Variants in ATG5 observed in about 807,000 individuals in gnomAD.
The protein encoded by ATG5 is autophagy protein 5.
In ATG5, 14 loss-of-function variants were observed where a neutral mutation model predicts 36.5. The ratio of observed to expected loss-of-function variants is 0.38; its 90% confidence interval spans 0.25 to 0.60. The LOEUF (loss-of-function observed/expected upper bound fraction) is 0.60, where lower values mean the gene tolerates loss of function less well. Ranked by LOEUF, ATG5 falls within the 20% of genes least tolerant of loss-of-function variation. The pLI, the probability that ATG5 is intolerant of heterozygous loss-of-function variation, is 0.60. For synonymous variants in ATG5, 95 were observed against 101.5 expected (o/e 0.94, Z 0.38); for missense variants, 195 against 326.7 (o/e 0.60, Z 3.11).
At chr6:106,267,068 T>C (rs1174530619) in intron 5 of ATG5, among the ~76,000 whole-genome samples, 1 of 152,202 alleles carries the variant, frequency 6.6e-6, no homozygotes, top group Non-Finnish European at 1.5e-5. Context: ...TGTTTGCAGA[T>C]GACATGATTG....
chr6:106,324,273 A>T (rs1017818930), intron 1 of ATG5, among the ~76,000 whole-genome samples: 1 of 152,244 alleles, frequency 6.6e-6, no homozygotes, highest in African/African-American at 2.4e-5. Context: ...ACAACTATTT[A>T]TACAGCATTT....
At chr6:106,200,277 A>G (rs1776367235) in intron 7 of ATG5, among the ~76,000 whole-genome samples, 1 of 152,202 alleles carries the variant, frequency 6.6e-6, no homozygotes, top group Non-Finnish European at 1.5e-5. Context: ...CTATTTCCTT[A>G]GATGCAAAAT....
chr6:106,189,385 G>A (rs1040224813), intron 7 of ATG5, among the ~76,000 whole-genome samples: 5 of 151,926 alleles, frequency 3.3e-5, no homozygotes, highest in Non-Finnish European at 7.4e-5. Context: ...TGGGAGGATC[G>A]CTTGAGCCCA....
In ATG5 at chr6:106,297,965, A is replaced by T. The variant is rs961061630; in HGVS notation, c.237-4859T>A. Reference sequence around the variant, plus strand: ...ACAGAGGGAGACCCTGTCAAAATCTATTTTTTTTTTTTTTTTTGAGACAGA... The same window carrying T: ...ACAGAGGGAGACCCTGTCAAAATCTTTTTTTTTTTTTTTTTTTGAGACAGA... On this transcript the variant is annotated intron_variant, in intron 3 of 7. Coordinates refer to ENST00000369076, the MANE Select transcript of ATG5 (RefSeq NM_004849.4). Among the ~76,000 whole-genome samples the T allele has an allele frequency of 1.5e-4, 20 of 134,646 alleles. No individual in the cohort carries two copies. The South Asian group carries it at 1.7e-3, about 11-fold the overall frequency. 88.3% of individuals were successfully genotyped at this position (134,646 alleles called of 152,430 possible).
chr6:106,290,697 T>C (rs1036134082), intron 4 of ATG5, among the ~76,000 whole-genome samples: 3 of 152,214 alleles, frequency 2.0e-5, no homozygotes, highest in African/African-American at 7.2e-5. Flanking sequence ...TTTCTTATTC[T>C]AATGTTGCAC....
chr6:106,298,248 T>C (rs1178408000), intron 3 of ATG5, among the ~76,000 whole-genome samples: 1 of 152,116 alleles, frequency 6.6e-6, no homozygotes, highest in African/African-American at 2.4e-5. Context: ...CATGGGCCAC[T>C]GCACCCAGCG....
chr6:106,217,673 T>C (rs1258884177), intron 6 of ATG5: 1 of 152,226 alleles, frequency 6.6e-6, no homozygotes, highest in Non-Finnish European at 1.5e-5. Context: ...GAATCTGGCA[T>C]TACAAAAGAA....
chr6:106,272,553 TC>T (rs1779492101), intron 5 of ATG5, among the ~76,000 whole-genome samples: 1 of 152,138 alleles, frequency 6.6e-6, no homozygotes, highest in South Asian at 2.1e-4. Context: ...CACCACTCTC[TC>T]TAGCCCTTCC....
intron 5 of ATG5, among the ~76,000 whole-genome samples, chr6:106,265,019 A>T (rs549410291): frequency 1.6e-4 from 24 of 152,306 alleles, no homozygotes; most frequent in African/African-American, 5.3e-4. Flanking sequence ...AATGGGATAA[A>T]TGCTCCAATT....
chr6:106,250,183 CTAT>C (rs1366764130), intron 5 of ATG5, among the ~76,000 whole-genome samples: 1 of 151,812 alleles, frequency 6.6e-6, no homozygotes, highest in African/African-American at 2.4e-5. Context: ...TGGTATTTTT[CTAT>C]TACTAGACCT....
At chr6:106,219,629 C>G (rs58505675) in intron 6 of ATG5, among the ~76,000 whole-genome samples, 1 of 152,110 alleles carries the variant, frequency 6.6e-6, no homozygotes. Context: ...GCAAATACTA[C>G]ACCATTTTAT....
intron 7 of ATG5, among the ~76,000 whole-genome samples, chr6:106,199,415 G>A (rs796138787): frequency 1.3e-5 from 2 of 152,066 alleles, no homozygotes; most frequent in African/African-American, 2.4e-5. Context: ...GCTTCAATAC[G>A]GATGCAACTC....
intron 4 of ATG5, among the ~76,000 whole-genome samples, chr6:106,285,086 T>C (rs1389774250): frequency 6.6e-6 from 1 of 152,178 alleles, no homozygotes; most frequent in Non-Finnish European, 1.5e-5. Context: ...TCCCAGAGGC[T>C]CTGTTTTTCC....
At chr6:106,296,257 C>G (rs1769925330) in intron 3 of ATG5, among the ~76,000 whole-genome samples, 1 of 151,886 alleles carries the variant, frequency 6.6e-6, no homozygotes, top group African/African-American at 2.4e-5. Context: ...GTAATTACCA[C>G]ATGGAGCTAC....
intron 3 of ATG5, among the ~76,000 whole-genome samples, chr6:106,305,761 G>C (rs999688720): frequency 6.6e-6 from 1 of 152,200 alleles, no homozygotes. Flanking sequence ...GAAATTCACA[G>C]AACTATCCTA....
chr6:106,234,751 G>A (rs1276543395), intron 6 of ATG5, among the ~76,000 whole-genome samples: 2 of 152,194 alleles, frequency 1.3e-5, no homozygotes, highest in Non-Finnish European at 2.9e-5. Context: ...CGGAGCAGGA[G>A]TGCTAGGTGG....
chr6:106,322,698 T>G (rs894234149), intron 1 of ATG5, among the ~76,000 whole-genome samples: 1 of 152,224 alleles, frequency 6.6e-6, no homozygotes, highest in Admixed American at 6.5e-5. Flanking sequence ...AATGTTGAAA[T>G]GCCCCAGGAC....
rs35220054 is a variant in ATG5, at chr6:106,235,813, C to CAA, written c.573+12335_573+12336dup. ...TTCACTCTATTAAATATTGCAACTG[C>CAA]AAAAAAAAAATAGCTTAATTGAAGA... is the stretch of plus-strand genomic sequence containing the variant. On this transcript the variant is annotated intron_variant, in intron 6 of 7. Transcript: ENST00000369076. 4.2e-3 allele frequency among the ~76,000 whole-genome samples: 613 copies of CAA among 147,680 alleles called. 2 individuals are homozygous for CAA. The highest frequency in any genetic ancestry group is 0.012 in the African/African-American group (467 of 40,298).
chr6:106,286,033 C>T (rs1780063823), intron 4 of ATG5, among the ~76,000 whole-genome samples: 2 of 151,498 alleles, frequency 1.3e-5, no homozygotes, highest in Non-Finnish European at 2.9e-5. Flanking sequence ...ATAAGACGTT[C>T]AGTATCTTTT....
Sources: gnomAD v4.1 joint callset for allele counts (sites outside exome capture counted in the v4.1 genomes callset) on GRCh38, gnomAD v4.1.1 for gene constraint, MANE v1.5 for transcripts, NCBI Gene and HGNC (gene_info 2026-07-23, HGNC 2026-07-21) for gene names.